LAPTM4B: variants seen among roughly 807,000 people sequenced by gnomAD.
The protein encoded by LAPTM4B is lysosomal-associated transmembrane protein 4B.
Under a neutral mutation model 28.5 loss-of-function variants are expected in LAPTM4B, and 26 were observed. The ratio of observed to expected loss-of-function variants is 0.91; its 90% CI spans 0.67 to 1.27. The LOEUF (loss-of-function observed/expected upper bound fraction) is 1.27. LAPTM4B is among the 50% of genes most tolerant of loss of function. The pLI, the probability that LAPTM4B is intolerant of heterozygous loss-of-function variation, is 0.00. For synonymous variants in LAPTM4B, 109 were observed against 106.4 expected (o/e 1.02, Z -0.15); for missense variants, 288 against 285.8 (o/e 1.01, Z -0.06).
chr8:97,803,232 A>G (rs552514376), intron 1 of LAPTM4B, among the ~76,000 whole-genome samples: 37 of 151,970 alleles, frequency 2.4e-4, no homozygotes, highest in African/African-American at 8.4e-4. Flanking sequence ...TTCGAATCCT[A>G]CAATAATCCT....
chr8:97,791,678 G>T (rs755040320), intron 1 of LAPTM4B, among the ~76,000 whole-genome samples: 50 of 152,204 alleles, frequency 3.3e-4, no homozygotes, highest in Non-Finnish European at 6.5e-4. Context: ...ATGGGGTGTG[G>T]TGGCTTCTTG....
At chr8:97,787,904 G>A (rs992721365) in intron 1 of LAPTM4B, among the ~76,000 whole-genome samples, 28 of 151,874 alleles carry the variant, frequency 1.8e-4, no homozygotes, top group Non-Finnish European at 3.4e-4. Context: ...GCATGATCTC[G>A]GCTCACTGCA....
At chr8:97,790,713 T>TG (rs1816484210) in intron 1 of LAPTM4B, among the ~76,000 whole-genome samples, 1 of 152,162 alleles carries the variant, frequency 6.6e-6, no homozygotes, top group African/African-American at 2.4e-5. Context: ...CTCAAAGTGT[T>TG]GGACTATGGG....
intron 1 of LAPTM4B, among the ~76,000 whole-genome samples, chr8:97,799,366 G>A (rs2129757181): frequency 6.6e-6 from 1 of 152,284 alleles, no homozygotes; most frequent in African/African-American, 2.4e-5. Flanking sequence ...AGAGGAGCTT[G>A]GCTTTTTAGA....
At chr8:97,795,579 G>A (rs1037735445) in intron 1 of LAPTM4B, among the ~76,000 whole-genome samples, 1 of 152,092 alleles carries the variant, frequency 6.6e-6, no homozygotes, top group Non-Finnish European at 1.5e-5. Context: ...CTGGCTGGGC[G>A]TGGTGGCTCA....
intron 5 of LAPTM4B, among the ~76,000 whole-genome samples, chr8:97,823,564 G>A (rs1431420867): frequency 3.3e-5 from 5 of 151,266 alleles, no homozygotes; most frequent in Admixed American, 1.3e-4. Context: ...TAGTGGAGAC[G>A]GGGTTTCACT....
At chr8:97,816,839 C>T (rs1051782056) in intron 4 of LAPTM4B, among the ~76,000 whole-genome samples, 1 of 152,110 alleles carries the variant, frequency 6.6e-6, no homozygotes. Context: ...ACTCGGGAGG[C>T]TGAGGCAGGA....
chr8:97,819,105 A>T, intron 4 of LAPTM4B, 35 bp from the exon 5 acceptor site: 1 of 1,268,226 alleles, frequency 7.9e-7, no homozygotes, highest in Admixed American at 1.8e-5. Context: ...GGAATGATTA[A>T]TGAGATTTGC....
intron 1 of LAPTM4B, among the ~76,000 whole-genome samples, chr8:97,790,940 TA>T (rs1020007963): frequency 2.0e-5 from 3 of 152,168 alleles, no homozygotes; most frequent in African/African-American, 7.2e-5. Context: ...GGTCTCACTT[TA>T]TTTCCCAGGT....
intron 5 of LAPTM4B, among the ~76,000 whole-genome samples, chr8:97,821,186 A>G (rs907905179): frequency 1.3e-5 from 2 of 151,772 alleles, no homozygotes; most frequent in African/African-American, 4.8e-5. Flanking sequence ...AATACAAAAA[A>G]TTAGTTGGGC....
intron 6 of LAPTM4B, among the ~76,000 whole-genome samples, chr8:97,829,469 A>C (rs1817145936): frequency 6.6e-6 from 1 of 152,120 alleles, no homozygotes; most frequent in African/African-American, 2.4e-5. Context: ...GAGTAAAGGA[A>C]CATAAGGAAG....
intron 6 of LAPTM4B, among the ~76,000 whole-genome samples, chr8:97,838,902 G>A (rs1052092829): frequency 6.6e-6 from 1 of 152,170 alleles, no homozygotes; most frequent in East Asian, 1.9e-4. Context: ...AGTAAATTTT[G>A]CATACCAGGG....
intron 6 of LAPTM4B, among the ~76,000 whole-genome samples, chr8:97,825,390 A>G (rs2129813944): frequency 6.6e-6 from 1 of 152,338 alleles, no homozygotes; most frequent in East Asian, 1.9e-4. Context: ...GTTTATTTTA[A>G]AATGTATTAC....
At position 97,787,177 on chromosome 8, in the gene LAPTM4B, T is replaced by A. The variant is rs138428973; in HGVS notation, c.99+11069T>A. On this transcript the variant is annotated intron_variant, in intron 1 of 6. Coordinates refer to ENST00000521545, the MANE Select transcript of LAPTM4B (RefSeq NM_018407.6). Reference sequence around the variant, plus strand: ...GTATCTGGAGGACAAGGAGCTTTATTTTTTTAAGGATGTGAAATGGAAAAT... The same window carrying A: ...GTATCTGGAGGACAAGGAGCTTTATATTTTTAAGGATGTGAAATGGAAAAT... 6.9e-3 allele frequency among the ~76,000 whole-genome samples: 1,044 copies of A among 152,260 alleles called. 16 individuals are homozygous for A. Among genetic ancestry groups the A allele is most frequent in the African/African-American group, 0.023 (964 of 41,548 alleles).
At chr8:97,839,754 AAC>A (rs1222198815) in intron 6 of LAPTM4B, among the ~76,000 whole-genome samples, 1 of 152,188 alleles carries the variant, frequency 6.6e-6, no homozygotes, top group African/African-American at 2.4e-5. Flanking sequence ...TTTACTATAA[AAC>A]ACACACACAA....
chr8:97,842,053 A>G (rs547961551), intron 6 of LAPTM4B, among the ~76,000 whole-genome samples: 1 of 152,280 alleles, frequency 6.6e-6, no homozygotes, highest in African/African-American at 2.4e-5. Flanking sequence ...AGGCAAACTT[A>G]TATTTCAGGT....
At chr8:97,819,995 A>G (rs908598892) in intron 5 of LAPTM4B, among the ~76,000 whole-genome samples, 5 of 152,098 alleles carry the variant, frequency 3.3e-5, no homozygotes, top group African/African-American at 1.2e-4. Context: ...TCGGCCTCCC[A>G]AAGCTGGGAT....
At chr8:97,819,005 A>G (rs1816964057) in intron 4 of LAPTM4B, 135 bp from the exon 5 acceptor site, 2 of 612,672 alleles carry the variant, frequency 3.3e-6, no homozygotes, top group Non-Finnish European at 5.7e-6. Flanking sequence ...CAGGCTAGAA[A>G]TTTTGTATTG....
intron 6 of LAPTM4B, among the ~76,000 whole-genome samples, chr8:97,830,480 G>C (rs1418184424): frequency 6.6e-6 from 1 of 152,172 alleles, no homozygotes; most frequent in African/African-American, 2.4e-5. Context: ...CAAGAATGGT[G>C]ATTAGGGACC....
Sources: gnomAD v4.1 joint callset for allele counts (sites outside exome capture counted in the v4.1 genomes callset) on GRCh38, gnomAD v4.1.1 for gene constraint, MANE v1.5 for transcripts, NCBI Gene and HGNC (gene_info 2026-07-23, HGNC 2026-07-21) for gene names.